The following DOK3 variants were observed in gnomAD, a reference collection of about 807,000 sequenced individuals.
DOK3 encodes the protein docking protein 3, also known as Dok-like protein.
A neutral mutation model predicts 26.2 loss-of-function variants in DOK3; 23 were observed. That is an observed-to-expected ratio of 0.88 (90% CI 0.63 to 1.24). The LOEUF is 1.24. DOK3 is among the 50% of genes most tolerant of loss of function. The probability of loss-of-function intolerance (pLI) is 0.00; values close to 1 mark genes in which losing one functional copy is unlikely to be tolerated. For missense variants in DOK3, 619 were observed against 610.6 expected, an observed-to-expected ratio of 1.01 and a Z score of -0.15; for synonymous variants, 268 against 268.2, an observed-to-expected ratio of 1.00 and a Z score of 0.01.
In DOK3 at chr5:177,503,851, C is replaced by T. The variant is rs979672079; in HGVS notation, c.*132G>A. ...GGGCAGGGCTGAGGTCCTCCACAGG[C>T]GGCCTGCCTTGTTCCTGCAGGCCAG... On this transcript the variant is annotated 3_prime_UTR_variant, in exon 6 of 6. Coordinates refer to ENST00000510898, the MANE Select transcript of DOK3 (RefSeq NM_001308236.3). 4.1e-5 allele frequency: 59 copies of T among 1,434,976 alleles called. No individual in the cohort carries two copies. Among genetic ancestry groups the T allele is most frequent in the Middle Eastern group, 5.1e-4 (2 of 3,918 alleles). 88.9% of individuals were successfully genotyped at this position (1,434,976 alleles called of 1,614,324 possible). A position where few individuals can be genotyped will look rare whatever the true frequency, so the allele number is the denominator to read the frequency against.
intron 3 of DOK3, among the ~76,000 whole-genome samples, chr5:177,508,027 C>G (rs550928539): frequency 6.6e-6 from 1 of 152,366 alleles, no homozygotes; most frequent in Admixed American, 6.5e-5. Context: ...CCCTGGCCAC[C>G]CTGCCCGTCG....
At position 177,504,293 on chromosome 5, in the gene DOK3, T is replaced by A; in HGVS notation, c.1013A>T (p.Asn338Ile). ...ACACAGGTTCTCATAGAGGTGCTCATTGCCTGGGGGCCCACTGGCACGCTT... is the reference window on the plus strand; with the variant it reads ...ACACAGGTTCTCATAGAGGTGCTCAATGCCTGGGGGCCCACTGGCACGCTT... ...VCKRASGPPG[N>I]EHLYENLCVL... The change falls in exon 6 of 6, where the codon AAT (asparagine) becomes ATT (isoleucine). Residue 338 changes from asparagine (N) to isoleucine (I), a missense_variant. Physicochemically the swap from Asn to Ile is moderately radical, Grantham distance 149. Coordinates refer to ENST00000510898, the MANE Select transcript of DOK3 (RefSeq NM_001308236.3). 1.9e-6 allele frequency: 3 copies of A among 1,607,460 alleles called. No individual in the cohort carries two copies. The highest frequency in any genetic ancestry group is 2.5e-6 in the Non-Finnish European group (3 of 1,176,520).
chr5:177,504,341 G>A lies in DOK3; in HGVS notation c.965C>T (p.Ser322Phe), dbSNP rs1185172391. The change falls in exon 6 of 6, where the codon TCC becomes TTC. Residue 322 changes from serine to phenylalanine, a missense_variant. Coordinates refer to ENST00000510898, the MANE Select transcript of DOK3 (RefSeq NM_001308236.3). ...CTTGCACACTGAAGCGTAGAGCCCG[G>A]ACGCCAGATCGTTGGGCTCCGGGCC... ...LLGPEPNDLA[S>F]GLYASVCKRA... 1 of 1,585,776 alleles carries A rather than the reference G, an allele frequency of 6.3e-7. No individual in the cohort carries two copies. Among genetic ancestry groups the A allele is most frequent in the Non-Finnish European group, 8.6e-7 (1 of 1,163,032 alleles).
chr5:177,504,351 C>G lies in DOK3; in HGVS notation c.955G>C (p.Asp319His). The G allele has an allele frequency of 6.3e-7, 1 of 1,578,834 alleles. No homozygotes were observed. Among genetic ancestry groups the G allele is most frequent in the Non-Finnish European group, 8.6e-7 (1 of 1,159,552 alleles). ...GAAGCGTAGAGCCCGGACGCCAGAT[C>G]GTTGGGCTCCGGGCCTAGCAGTAGC... ...LPLLLGPEPN[D>H]LASGLYASVC... Residue 319 changes from aspartate (D) to histidine (H), a missense_variant, in exon 6 of 6, where the codon GAT becomes CAT. Asp to His is a moderately conservative substitution (Grantham distance 81, BLOSUM62 -1). Transcript: ENST00000510898.
In DOK3 at chr5:177,504,669, A is replaced by G. The variant is rs1222127258; in HGVS notation, c.646-9T>C. Reference sequence around the variant, plus strand: ...TCAAAGGAGAACACGCCCTGGGCACAGGGCACACGGGTGGGGATTAGCAGG... The same window carrying G: ...TCAAAGGAGAACACGCCCTGGGCACGGGGCACACGGGTGGGGATTAGCAGG... On this transcript the variant is annotated splice_polypyrimidine_tract_variant and intron_variant, in intron 5 of 5. Coordinates refer to ENST00000510898, the MANE Select transcript of DOK3 (RefSeq NM_001308236.3). The G allele has an allele frequency of 6.2e-7, 1 of 1,613,430 alleles. No homozygotes were observed. The highest frequency in any genetic ancestry group is 2.2e-5 in the East Asian group (1 of 44,880).
At chr5:177,505,984 T>A (rs568188076) in intron 3 of DOK3, among the ~76,000 whole-genome samples, 1 of 151,556 alleles carries the variant, frequency 6.6e-6, no homozygotes, top group Admixed American at 6.6e-5. Flanking sequence ...ATGATCCGCC[T>A]GTCTCGGCCT....
At chr5:177,504,701 C>G (rs1446101409) in intron 5 of DOK3, 41 bp from the exon 6 acceptor site, 5 of 1,613,662 alleles carry the variant, frequency 3.1e-6, no homozygotes, top group Non-Finnish European at 4.2e-6. Context: ...CAGGAGGGTC[C>G]AGGGTGTCAG....
chr5:177,508,033 C>T (rs1052816308), intron 3 of DOK3, among the ~76,000 whole-genome samples: 2 of 152,238 alleles, frequency 1.3e-5, no homozygotes, highest in African/African-American at 4.8e-5. Flanking sequence ...CCACCCTGCC[C>T]GTCGCTCCCT....
In DOK3 at chr5:177,503,467, C is replaced by G. The variant is rs374173876; in HGVS notation, c.*516G>C. ...GTCTCTGAAATCCCTTCCACCTGCA[C>G]CCCGCCCCCACTGCCTCCTCCCAGC... On this transcript the variant is annotated 3_prime_UTR_variant, in exon 6 of 6. Coordinates refer to ENST00000510898, the MANE Select transcript of DOK3 (RefSeq NM_001308236.3). 4.8e-6 allele frequency: 7 copies of G among 1,465,218 alleles called. No individual in the cohort carries two copies. The highest frequency in any genetic ancestry group is 2.3e-4 in the Middle Eastern group (1 of 4,404). The allele number at this position is 1,465,218 out of a possible 1,614,324, so 90.8% of individuals were successfully genotyped here.
Position 177,505,076 on chromosome 5 carries a change from G to A in DOK3, c.407C>T (p.Ala136Val). 2 of 1,612,138 alleles carry A rather than the reference G, an allele frequency of 1.2e-6. No individual in the cohort carries two copies. The highest frequency in any genetic ancestry group is 1.7e-6 in the Non-Finnish European group (2 of 1,179,332). Residue 136 changes from alanine to valine, a missense_variant, in exon 4 of 6, where the codon GCC (alanine) becomes GTC (valine). Physicochemically the swap from Ala to Val is moderately conservative, Grantham distance 64 (BLOSUM62 0). Transcript: ENST00000510898. ...TGEASSGSTD[A>V]QSPKRGLVPM... ...GACCAGGCCCCTCTTGGGAGACTGG[G>A]CATCTGTGGATCCTGAGGAGGCCTC... is the stretch of plus-strand genomic sequence containing the variant.
chr5:177,508,261 GC>G lies in DOK3; in HGVS notation c.347del (p.Gly116AlafsTer61). ...LAAQHRQAWMGPICQLAFPGT... is the reference protein window; with the variant it reads ...LAAQHRQAWMXPICQLAFPGT... ...CCGGGAAGGCCAGCTGGCAGATGGG[GC>G]CCATCCAGGCCTGGCGGTGCTGAGC... On this transcript the variant is annotated frameshift_variant, in exon 3 of 6. Coordinates refer to ENST00000510898, the MANE Select transcript of DOK3 (RefSeq NM_001308236.3). LOFTEE classifies it high-confidence loss of function. The G allele has an allele frequency of 6.5e-7, 1 of 1,530,526 alleles. No individual in the cohort carries two copies. Among genetic ancestry groups the G allele is most frequent in the Non-Finnish European group, 8.8e-7 (1 of 1,135,124 alleles). 94.8% of individuals were successfully genotyped at this position (1,530,526 alleles called of 1,614,324 possible).
At chr5:177,510,217 G>A (rs559010297), upstream of DOK3, 2 of 365,386 alleles carry the variant, frequency 5.5e-6, no homozygotes, top group South Asian at 7.9e-5. Context: ...TGTGTGTTCT[G>A]GCCTGCATCT....
chr5:177,502,478 G>A lies in DOK3; in HGVS notation c.*1505C>T, dbSNP rs984192186. On this transcript the variant is annotated 3_prime_UTR_variant, in exon 6 of 6. Transcript: ENST00000510898. ...AATTTTCCAAGCTCTGAGGTGAAAGGAGCCGGGATCAGAGCACAGCTGGGG... is the reference window on the plus strand; with the variant it reads ...AATTTTCCAAGCTCTGAGGTGAAAGAAGCCGGGATCAGAGCACAGCTGGGG... The A allele has an allele frequency of 1.3e-5, 2 of 152,858 alleles. No individual in the cohort carries two copies. Among genetic ancestry groups the A allele is most frequent in the African/African-American group, 4.8e-5 (2 of 41,460 alleles). 9.5% of individuals were successfully genotyped at this position (152,858 alleles called of 1,614,324 possible). A position where few individuals can be genotyped will look rare whatever the true frequency, so the allele number is the denominator to read the frequency against.
rs925528998 is a variant in DOK3, at chr5:177,503,852, G to T, written c.*131C>A. On this transcript the variant is annotated 3_prime_UTR_variant, in exon 6 of 6. Coordinates refer to ENST00000510898, the MANE Select transcript of DOK3 (RefSeq NM_001308236.3). The stretch of plus-strand genomic sequence containing the variant: ...GGCAGGGCTGAGGTCCTCCACAGGC[G>T]GCCTGCCTTGTTCCTGCAGGCCAGG... 4.2e-6 allele frequency: 6 copies of T among 1,434,666 alleles called. No individual in the cohort carries two copies. Among genetic ancestry groups the T allele is most frequent in the African/African-American group, 2.9e-5 (2 of 69,646 alleles). The allele number at this position is 1,434,666 out of a possible 1,614,324, so 88.9% of individuals were successfully genotyped here. A position where few individuals can be genotyped will look rare whatever the true frequency, so the allele number is the denominator to read the frequency against.
chr5:177,505,369 A>G (rs962442658), intron 3 of DOK3, among the ~76,000 whole-genome samples: 3 of 152,056 alleles, frequency 2.0e-5, no homozygotes, highest in African/African-American at 7.2e-5. Context: ...GGGGACACAA[A>G]AGGATGTCCC....
intron 3 of DOK3, among the ~76,000 whole-genome samples, 187 bp from the exon 4 acceptor site, chr5:177,505,297 T>C (rs2127424879): frequency 6.6e-6 from 1 of 152,256 alleles, no homozygotes; most frequent in South Asian, 2.1e-4. Context: ...GGCTCCCCAC[T>C]GAGAGTGCTG....
upstream of DOK3, chr5:177,509,861 GC>G (rs1308674857): frequency 3.1e-6 from 5 of 1,609,844 alleles, no homozygotes; most frequent in East Asian, 2.2e-5. Context: ...ATGAGTTCCC[GC>G]CCCTCCCCCG....
intron 3 of DOK3, among the ~76,000 whole-genome samples, chr5:177,507,898 C>T (rs887194076): frequency 1.3e-5 from 2 of 152,224 alleles, no homozygotes; most frequent in African/African-American, 4.8e-5. Flanking sequence ...CCCACACTGT[C>T]CGGCCTCGGG....
Position 177,508,598 on chromosome 5 carries a change from CT to C in DOK3, c.67-57del, listed in dbSNP as rs147818196. On this transcript the variant is annotated intron_variant, in intron 2 of 5. Coordinates refer to ENST00000510898, the MANE Select transcript of DOK3 (RefSeq NM_001308236.3). The stretch of plus-strand genomic sequence containing the variant: ...CTTGGGTGGCAGATTGTCCGTGCCA[CT>C]TGGCTCAGCACAAGCTGCTCGGCAA... 2,820 of 1,456,718 alleles carry C rather than the reference CT, an allele frequency of 1.9e-3. 55 individuals carry two copies. In the African/African-American group the frequency reaches 0.036, roughly 18 times the overall value. 90.2% of individuals were successfully genotyped at this position (1,456,718 alleles called of 1,614,324 possible).
Sources: allele counts gnomAD v4.1 joint callset (sites outside exome capture counted in the v4.1 genomes callset), GRCh38; gene constraint gnomAD v4.1.1; transcripts MANE v1.5; gene names NCBI Gene and HGNC (gene_info 2026-07-23, HGNC 2026-07-21).